RAPGEF1: variants seen among roughly 807,000 people sequenced by gnomAD.
RAPGEF1 encodes the protein Rap guanine nucleotide exchange factor 1.
In RAPGEF1, 33 loss-of-function variants were observed where a neutral mutation model predicts 143.3. The ratio of observed to expected loss-of-function variants is 0.23; its 90% confidence interval spans 0.17 to 0.31. The LOEUF is 0.31. Among genes scored for constraint, RAPGEF1 ranks in the 10% least tolerant of loss-of-function variants. RAPGEF1 has a pLI of 1.00. For missense variants in RAPGEF1, 1,199 were observed against 1,645.4 expected, an observed-to-expected ratio of 0.73 and a Z score of 4.69; for synonymous variants, 629 against 676.5, an observed-to-expected ratio of 0.93 and a Z score of 1.09.
intron 5 of RAPGEF1, among the ~76,000 whole-genome samples, chr9:131,637,707 TGCTCC>T (rs1966742132): frequency 6.6e-6 from 1 of 152,252 alleles, no homozygotes; most frequent in Admixed American, 6.5e-5. Context: ...AAGGCCTGAC[TGCTCC>T]GTATGTGCCA....
At chr9:131,627,410 T>C (rs1191552007) in intron 9 of RAPGEF1, among the ~76,000 whole-genome samples, 1 of 152,116 alleles carries the variant, frequency 6.6e-6, no homozygotes, top group Non-Finnish European at 1.5e-5. Flanking sequence ...CTAGGATACA[T>C]TCTCAGAAGT....
intron 12 of RAPGEF1, among the ~76,000 whole-genome samples, chr9:131,606,610 T>C (rs1957155402): frequency 6.6e-6 from 1 of 152,154 alleles, no homozygotes; most frequent in African/African-American, 2.4e-5. Context: ...AATGAAGTTT[T>C]AAACTAACAA....
At chr9:131,720,321 AT>A (rs1429016003) in intron 1 of RAPGEF1, among the ~76,000 whole-genome samples, 1 of 152,164 alleles carries the variant, frequency 6.6e-6, no homozygotes, top group Non-Finnish European at 1.5e-5. Context: ...CATCATCATC[AT>A]TATTATTATA....
intron 1 of RAPGEF1, among the ~76,000 whole-genome samples, chr9:131,651,271 C>T (rs749241445): frequency 6.6e-5 from 10 of 152,224 alleles, no homozygotes; most frequent in Non-Finnish European, 1.3e-4. Flanking sequence ...GAAGAAAGAA[C>T]ACCCAGTCAA....
intron 12 of RAPGEF1, among the ~76,000 whole-genome samples, chr9:131,607,902 C>T (rs1032110999): frequency 6.6e-6 from 1 of 152,154 alleles, no homozygotes; most frequent in Non-Finnish European, 1.5e-5. Flanking sequence ...ACAAAATGTA[C>T]CAAGTTGGAG....
At chr9:131,585,615 C>T (rs1220114578) in intron 22 of RAPGEF1, among the ~76,000 whole-genome samples, 1 of 152,224 alleles carries the variant, frequency 6.6e-6, no homozygotes, top group Admixed American at 6.5e-5. Context: ...TTGGGCAAAA[C>T]CCTACGCTGG....
At chr9:131,738,998 G>T (rs1589136682) in intron 1 of RAPGEF1, among the ~76,000 whole-genome samples, 1 of 152,152 alleles carries the variant, frequency 6.6e-6, no homozygotes, top group South Asian at 2.1e-4. Flanking sequence ...CTTCACCTTA[G>T]ACCCAAGAAT....
At chr9:131,580,489 T>G in intron 25 of RAPGEF1, 98 bp from the exon 26 acceptor site, 1 of 1,394,466 alleles carries the variant, frequency 7.2e-7, no homozygotes, top group African/African-American at 1.4e-5. Context: ...AGTGAGCAGC[T>G]TCCAAACCCC....
intron 1 of RAPGEF1, among the ~76,000 whole-genome samples, chr9:131,685,586 G>A (rs1310591025): frequency 6.6e-6 from 1 of 152,124 alleles, no homozygotes; most frequent in Non-Finnish European, 1.5e-5. Context: ...CCATCCCTTC[G>A]TTTCCCATAA....
chr9:131,693,606 TA>T, intron 1 of RAPGEF1, among the ~76,000 whole-genome samples: 1 of 152,300 alleles, frequency 6.6e-6, no homozygotes, highest in East Asian at 1.9e-4. Context: ...TTTCTTTCTA[TA>T]AAACCAACCT....
At chr9:131,694,757 C>T (rs1834017257) in intron 1 of RAPGEF1, among the ~76,000 whole-genome samples, 1 of 149,958 alleles carries the variant, frequency 6.7e-6, no homozygotes, top group African/African-American at 2.5e-5. Flanking sequence ...CTGATGCCCC[C>T]TTATCCTCCT....
At chr9:131,704,405 C>T (rs1834898163) in intron 1 of RAPGEF1, among the ~76,000 whole-genome samples, 1 of 151,848 alleles carries the variant, frequency 6.6e-6, no homozygotes, top group African/African-American at 2.4e-5. Context: ...CCCTGCCACC[C>T]CCAGCCCCAC....
rs201471374 is a variant in RAPGEF1, at chr9:131,588,076, G to A, written c.3054-50C>T. The A allele has an allele frequency of 2.2e-4, 327 of 1,502,284 alleles. 1 individual carries two copies. In the East Asian group the frequency reaches 4.9e-3, roughly 22 times the overall value. The allele number at this position is 1,502,284 out of a possible 1,614,324, so 93.1% of individuals were successfully genotyped here. A position where few individuals can be genotyped will look rare whatever the true frequency, so the allele number is the denominator to read the frequency against. On this transcript the variant is annotated intron_variant, in intron 20 of 26. Transcript: ENST00000683357. ...GCCGTCAGGGGTGGGGAGGCCGGTG[G>A]GGAGGGCTGAGCAGGCCCGGGCTGC...
At chr9:131,602,006 C>T (rs917863854) in intron 15 of RAPGEF1, 55 bp downstream of exon 15, 52 of 1,381,244 alleles carry the variant, frequency 3.8e-5, no homozygotes, top group African/African-American at 2.2e-4. Flanking sequence ...AGGCAGGCCT[C>T]ATGAGTGGGC....
At chr9:131,676,154 G>A (rs1025818450) in intron 1 of RAPGEF1, among the ~76,000 whole-genome samples, 2 of 152,188 alleles carry the variant, frequency 1.3e-5, no homozygotes, top group African/African-American at 4.8e-5. Flanking sequence ...TGGAAAGGAT[G>A]TAAAAGAAAA....
intron 4 of RAPGEF1, among the ~76,000 whole-genome samples, chr9:131,639,731 A>T (rs2133257689): frequency 1.3e-5 from 2 of 152,234 alleles, no homozygotes; most frequent in Middle Eastern, 3.4e-3. Flanking sequence ...CACAAAAAAC[A>T]AAAAAACACC....
At chr9:131,617,011 T>TTTAG (rs1959110501) in intron 12 of RAPGEF1, among the ~76,000 whole-genome samples, 1 of 152,174 alleles carries the variant, frequency 6.6e-6, no homozygotes, top group African/African-American at 2.4e-5. Context: ...AATGCAGTGT[T>TTTAG]TTAGACACAA....
chr9:131,603,461 C>T (rs996886346), intron 14 of RAPGEF1, among the ~76,000 whole-genome samples: 2 of 152,188 alleles, frequency 1.3e-5, no homozygotes, highest in Non-Finnish European at 2.9e-5. Flanking sequence ...AGGGGGTGTG[C>T]ATAGTCATGG....
At chr9:131,732,234 G>A (rs1837121302) in intron 1 of RAPGEF1, among the ~76,000 whole-genome samples, 1 of 108,626 alleles carries the variant, frequency 9.2e-6, no homozygotes, top group African/African-American at 3.8e-5. Context: ...ACATTCAAAG[G>A]CCAACTGAAA....
Sources: gnomAD v4.1 joint callset for allele counts (sites outside exome capture counted in the v4.1 genomes callset) on GRCh38, gnomAD v4.1.1 for gene constraint, MANE v1.5 for transcripts, NCBI Gene and HGNC (gene_info 2026-07-23, HGNC 2026-07-21) for gene names.